Variants in GUF1 observed in about 807,000 individuals in gnomAD.
GUF1 encodes the protein translation factor GUF1, mitochondrial.
Under a neutral mutation model 82.4 loss-of-function variants are expected in GUF1, and 78 were observed. The observed-to-expected ratio is 0.95, with a 90% CI of 0.79 to 1.14. The LOEUF (loss-of-function observed/expected upper bound fraction) is 1.14. Among genes scored for constraint, GUF1 ranks in the 50% most tolerant of loss-of-function variants. GUF1 has a pLI of 0.00. For missense variants in GUF1, 814 were observed against 798.2 expected, an observed-to-expected ratio of 1.02 and a Z score of -0.24; for synonymous variants, 279 against 282.3, an observed-to-expected ratio of 0.99 and a Z score of 0.12.
chr4:44,690,790 T>C lies in GUF1; in HGVS notation c.1409T>C (p.Leu470Ser), dbSNP rs750655854. 1 of 1,602,908 alleles carries C rather than the reference T, an allele frequency of 6.2e-7. No homozygotes were observed. Among genetic ancestry groups the C allele is most frequent in the South Asian group, 1.1e-5 (1 of 90,352 alleles). The change falls in exon 12 of 17, where the codon TTG (leucine) becomes TCG (serine). Residue 470 changes from leucine to serine, a missense_variant. Transcript: ENST00000281543. ...GATAAATCAAAAGTAACAGAATATT[T>C]GGAGCCAGTTGTTTTGGGCACTATT... ...FPDKSKVTEY[L>S]EPVVLGTIIT...
chr4:44,698,898 A>T lies in GUF1; in HGVS notation c.*217A>T. ...GTTCCAACCACTCACTAGTAAGGTG[A>T]CCGTGGCCAGATTAACCTTTGTTTC... is the stretch of plus-strand genomic sequence containing the variant. On this transcript the variant is annotated 3_prime_UTR_variant, in exon 17 of 17. Transcript: ENST00000281543. 1 of 434,120 alleles carries T rather than the reference A, an allele frequency of 2.3e-6. No individual in the cohort carries two copies. Among genetic ancestry groups the T allele is most frequent in the Non-Finnish European group, 4.1e-6 (1 of 245,000 alleles). The allele number at this position is 434,120 out of a possible 1,614,324, so 26.9% of individuals were successfully genotyped here. A position where few individuals can be genotyped will look rare whatever the true frequency, so the allele number is the denominator to read the frequency against.
chr4:44,697,764 A>G (rs1429117188), intron 16 of GUF1, among the ~76,000 whole-genome samples: 1 of 152,188 alleles, frequency 6.6e-6, no homozygotes, highest in Non-Finnish European at 1.5e-5. Flanking sequence ...ATATAATGAA[A>G]GATTTTGAAA....
At chr4:44,687,696 A>G (rs1377965554) in intron 8 of GUF1, among the ~76,000 whole-genome samples, 1 of 151,970 alleles carries the variant, frequency 6.6e-6, no homozygotes, top group Non-Finnish European at 1.5e-5. Context: ...ACTTATTATA[A>G]TGCTTTTGTA....
intron 13 of GUF1, among the ~76,000 whole-genome samples, chr4:44,693,005 G>A (rs1318529133): frequency 6.6e-6 from 1 of 151,954 alleles, no homozygotes; most frequent in East Asian, 1.9e-4. Context: ...AATTTAATGA[G>A]AGAACATGAT....
At chr4:44,683,834 T>C (rs1372971609) in intron 6 of GUF1, among the ~76,000 whole-genome samples, 2 of 152,136 alleles carry the variant, frequency 1.3e-5, no homozygotes, top group Non-Finnish European at 2.9e-5. Context: ...TTTGAAATGA[T>C]GATCTGCTTG....
chr4:44,691,712 G>C lies in GUF1; in HGVS notation c.1526G>C (p.Arg509Thr), dbSNP rs1053912444. 6.3e-7 allele frequency: 1 copy of C among 1,583,848 alleles called. No individual in the cohort carries two copies. Among genetic ancestry groups the C allele is most frequent in the Admixed American group, 1.7e-5 (1 of 58,612 alleles). Residue 509 changes from arginine to threonine, a missense_variant, in exon 13 of 17, where the codon AGA (arginine) becomes ACA (threonine). By Grantham distance (71) the Arg-to-Thr change is moderately conservative. Coordinates refer to ENST00000281543, the MANE Select transcript of GUF1 (RefSeq NM_021927.3). ...QKNMIFIDQN[R>T]VMLKYLFPLN... The stretch of plus-strand genomic sequence containing the variant: ...AATATGATATTTATTGATCAAAATA[G>C]AGTTATGCTTAAATATCTCTTTCCT...
Position 44,694,532 on chromosome 4 carries a change from A to G in GUF1, c.1715+19A>G, listed in dbSNP as rs1043351569. On this transcript the variant is annotated intron_variant, in intron 14 of 16. Coordinates refer to ENST00000281543, the MANE Select transcript of GUF1 (RefSeq NM_021927.3). ...TACACAAGTAAGTTCAATAGAAACT[A>G]ATCATGGAATGTGAAAATACTTTTG... 67 of 1,269,196 alleles carry G rather than the reference A, an allele frequency of 5.3e-5. No individual in the cohort carries two copies. The highest frequency in any genetic ancestry group is 7.3e-5 in the Non-Finnish European group (65 of 887,596). The allele number at this position is 1,269,196 out of a possible 1,614,324, so 78.6% of individuals were successfully genotyped here. A position where few individuals can be genotyped will look rare whatever the true frequency, so the allele number is the denominator to read the frequency against.
rs1206562070 is a variant in GUF1, at chr4:44,700,695, C to G, written c.*2014C>G. The G allele has an allele frequency of 6.6e-6, 1 of 152,142 alleles. No individual in the cohort carries two copies. The highest frequency in any genetic ancestry group is 1.5e-5 in the Non-Finnish European group (1 of 68,030). 9.4% of individuals were successfully genotyped at this position (152,142 alleles called of 1,614,324 possible). On this transcript the variant is annotated 3_prime_UTR_variant, in exon 17 of 17. Transcript: ENST00000281543. Reference sequence around the variant, plus strand: ...TTCTAAACTGACTTGAGAGCTGTCTCAGATATTTTGAGCTTACAGTTATTG... The same window carrying G: ...TTCTAAACTGACTTGAGAGCTGTCTGAGATATTTTGAGCTTACAGTTATTG...
intron 13 of GUF1, 94 bp from the exon 14 acceptor site, chr4:44,694,318 C>T (rs540982092): frequency 1.3e-4 from 94 of 747,610 alleles, no homozygotes; most frequent in African/African-American, 9.7e-4. Flanking sequence ...GAGTGTAATG[C>T]GGTAGAAAGT....
intron 9 of GUF1, 152 bp from the exon 10 acceptor site, chr4:44,689,134 A>G (rs1171358954): frequency 3.4e-6 from 2 of 583,130 alleles, no homozygotes; most frequent in Non-Finnish European, 5.1e-6. Context: ...ATAATCATTC[A>G]TTTTTAGCAA....
intron 1 of GUF1, 107 bp downstream of exon 1, chr4:44,678,894 T>G: frequency 5.2e-6 from 6 of 1,158,414 alleles, no homozygotes; most frequent in Non-Finnish European, 7.1e-6. Context: ...GAACCCTGCT[T>G]GCAACTTGGT....
chr4:44,695,777 T>C (rs1715772399), intron 15 of GUF1, 43 bp downstream of exon 15: 1 of 1,586,106 alleles, frequency 6.3e-7, no homozygotes, highest in Non-Finnish European at 8.6e-7. Flanking sequence ...GTTTCAGAAA[T>C]GATATACCTA....
Position 44,686,586 on chromosome 4 carries a change from G to A in GUF1, c.811G>A (p.Ala271Thr), listed in dbSNP as rs1488411094. The A allele has an allele frequency of 6.2e-7, 1 of 1,612,230 alleles. No homozygotes were observed. The highest frequency in any genetic ancestry group is 1.7e-5 in the Admixed American group (1 of 59,894). ...CTTTGACCAGTATAGAGGTGTGATAGCCAATGTAGCATTATTTGACGGAGT... is the reference window on the plus strand; with the variant it reads ...CTTTGACCAGTATAGAGGTGTGATAACCAATGTAGCATTATTTGACGGAGT... ...STFDQYRGVI[A>T]NVALFDGVVS... Residue 271 changes from alanine (A) to threonine (T), a missense_variant, in exon 8 of 17, where the codon GCC (alanine) becomes ACC (threonine). Ala to Thr is a moderately conservative substitution (Grantham distance 58). Coordinates refer to ENST00000281543, the MANE Select transcript of GUF1 (RefSeq NM_021927.3).
chr4:44,682,445 AC>A (rs1302788955), intron 5 of GUF1, 34 bp downstream of exon 5: 3 of 1,133,392 alleles, frequency 2.6e-6, no homozygotes. Context: ...TTGCTATTTC[AC>A]TTTCTAAAAG....
chr4:44,697,951 G>A (rs564712774), intron 16 of GUF1, among the ~76,000 whole-genome samples: 1 of 152,190 alleles, frequency 6.6e-6, no homozygotes, highest in African/African-American at 2.4e-5. Flanking sequence ...TCCGAGACCA[G>A]CCTGGCCAAC....
At position 44,689,396 on chromosome 4, in the gene GUF1, G is replaced by A; in HGVS notation, c.1189G>A (p.Gly397Ser). The stretch of plus-strand genomic sequence containing the variant: ...TCATCGGGATAGTAGCCTTGCTCTG[G>A]GTGCTGGCTGGAGGTAAGATTCATT... ...TVHRDSSLAL[G>S]AGWRLGFLGL... The change falls in exon 10 of 17, where the codon GGT (glycine) becomes AGT (serine). Residue 397 changes from glycine to serine, a missense_variant. Physicochemically the swap from Gly to Ser is moderately conservative, Grantham distance 56 (BLOSUM62 0). Transcript: ENST00000281543. 1 of 1,603,710 alleles carries A rather than the reference G, an allele frequency of 6.2e-7. No homozygotes were observed. The highest frequency in any genetic ancestry group is 8.5e-7 in the Non-Finnish European group (1 of 1,174,356).
intron 13 of GUF1, among the ~76,000 whole-genome samples, chr4:44,693,328 GAAAAAATGAGTTAAGA>G (rs1715563931): frequency 6.6e-6 from 1 of 151,824 alleles, no homozygotes; most frequent in African/African-American, 2.4e-5. Context: ...GATTTCTTTT[GAAAAAATGAGTTAAGA>G]AATTTTTAAG....
chr4:44,689,872 A>T lies in GUF1; in HGVS notation c.1232A>T (p.Glu411Val). 6.2e-7 allele frequency: 1 copy of T among 1,605,658 alleles called. No homozygotes were observed. Among genetic ancestry groups the T allele is most frequent in the Non-Finnish European group, 8.5e-7 (1 of 1,174,456 alleles). ...RLGFLGLLHM[E>V]VFNQRLEQEY... ...GGATTTCTTGGACTTTTGCACATGG[A>T]AGTTTTCAACCAGCGACTGGAGCAA... The change falls in exon 11 of 17, where the codon GAA becomes GTA. Residue 411 changes from glutamate to valine, a missense_variant. Coordinates refer to ENST00000281543, the MANE Select transcript of GUF1 (RefSeq NM_021927.3).
At chr4:44,683,175 TTAATACA>T in intron 5 of GUF1, 53 bp from the exon 6 acceptor site, 1 of 1,057,582 alleles carries the variant, frequency 9.5e-7, no homozygotes, top group Non-Finnish European at 1.4e-6. Flanking sequence ...CCGAATACTG[TTAATACA>T]TAATACATCT....
Sources: gnomAD v4.1 joint callset for allele counts (sites outside exome capture counted in the v4.1 genomes callset) on GRCh38, gnomAD v4.1.1 for gene constraint, MANE v1.5 for transcripts, NCBI Gene and HGNC (gene_info 2026-07-23, HGNC 2026-07-21) for gene names.